TMEM94: variants seen among roughly 807,000 people sequenced by gnomAD.
TMEM94 encodes the protein ER Mg2+ ATPase.
In TMEM94, 81 loss-of-function variants were observed where a neutral mutation model predicts 158.6. That is an observed-to-expected ratio of 0.51 (90% CI 0.43 to 0.61). The LOEUF is 0.61. TMEM94 is among the 20% of genes least tolerant of loss of function. TMEM94 has a pLI of 0.00. For synonymous variants in TMEM94, 751 were observed against 730.7 expected, an observed-to-expected ratio of 1.03 and a Z score of -0.45; for missense variants, 1,435 against 1,762.0, an observed-to-expected ratio of 0.81 and a Z score of 3.32.
At position 75,492,999 on chromosome 17, in the gene TMEM94, C is replaced by T. The variant is rs528840674; in HGVS notation, c.1983C>T (p.Ala661=). The T allele has an allele frequency of 2.8e-5, 45 of 1,613,722 alleles. No individual in the cohort carries two copies. Among genetic ancestry groups the T allele is most frequent in the Non-Finnish European group, 3.6e-5 (42 of 1,180,038 alleles). The change falls in exon 16 of 32, where the codon GCC becomes GCT. Residue 661 remains alanine (A), a synonymous_variant. Coordinates refer to ENST00000314256, the MANE Select transcript of TMEM94 (RefSeq NM_014738.6). The surrounding 1 kb of genome is among the most constrained non-coding windows in gnomAD (Gnocchi z 4.4). ...TGGCGCTGTACCGCCTCCCCAGTGCCGAGACAATGAAGGAGACATCGCTGG... is the reference window on the plus strand; with the variant it reads ...TGGCGCTGTACCGCCTCCCCAGTGCTGAGACAATGAAGGAGACATCGCTGG... ...NHLALYRLPS[A]ETMKETSLGR...
chr17:75,497,005 C>T, intron 25 of TMEM94, 108 bp from the exon 26 acceptor site: 1 of 1,096,886 alleles, frequency 9.1e-7, no homozygotes, highest in Non-Finnish European at 1.4e-6. Flanking sequence ...TTCCCTCTGG[C>T]AGGATGTGAG....
At chr17:75,472,321 A>G (rs2050531402) in intron 2 of TMEM94, among the ~76,000 whole-genome samples, 1 of 152,190 alleles carries the variant, frequency 6.6e-6, no homozygotes, top group Non-Finnish European at 1.5e-5. Flanking sequence ...GAGCGCCCCA[A>G]TCAGACTTCA....
At chr17:75,474,342 C>T (rs537937406) in intron 2 of TMEM94, among the ~76,000 whole-genome samples, 2 of 152,066 alleles carry the variant, frequency 1.3e-5, no homozygotes, top group East Asian at 1.9e-4. Context: ...CCTGTCTCTA[C>T]TAAAAATATA....
At chr17:75,462,011 G>GTTTTTTTT (rs1156728166) in intron 1 of TMEM94, among the ~76,000 whole-genome samples, 8 of 92,872 alleles carry the variant, frequency 8.6e-5, no homozygotes, top group African/African-American at 4.0e-4. Flanking sequence ...GTTTTGTTTT[G>GTTTTTTTT]TTTTTTTTTT....
Position 75,492,709 on chromosome 17 carries a change from A to G in TMEM94, c.1832A>G (p.Asn611Ser), listed in dbSNP as rs1373503472. ...TGCCGATTCTCCGACCACCTGTGCA[A>G]CATCGCCCTGCAAGAGAGCCACAGC... ...RLCRFSDHLC[N>S]IALQESHSAV... The change falls in exon 15 of 32, where the codon AAC becomes AGC. Residue 611 changes from asparagine (N) to serine (S), a missense_variant. Asn to Ser is a conservative substitution (Grantham distance 46). Around this residue, in one of 3 missense-constraint regions of TMEM94, gnomAD observed 1,051 missense variants for 1,254.4 expected, o/e 0.84. Coordinates refer to ENST00000314256, the MANE Select transcript of TMEM94 (RefSeq NM_014738.6). The surrounding 1 kb of genome is among the most constrained non-coding windows in gnomAD (Gnocchi z 4.4). 3.1e-6 allele frequency: 5 copies of G among 1,612,944 alleles called. No individual in the cohort carries two copies. The highest frequency in any genetic ancestry group is 2.2e-5 in the East Asian group (1 of 44,878).
rs1423024401 is a variant in TMEM94 at position 75,495,848 on chromosome 17, G to A, written c.2945-118G>A. 3 of 842,270 alleles carry A rather than the reference G, an allele frequency of 3.6e-6. No homozygotes were observed. Among genetic ancestry groups the A allele is most frequent in the African/African-American group, 3.4e-5 (2 of 59,114 alleles). 52.2% of individuals were successfully genotyped at this position (842,270 alleles called of 1,614,324 possible). A position where few individuals can be genotyped will look rare whatever the true frequency, so the allele number is the denominator to read the frequency against. ...TGATCCCGCTGCCGGGGGTGGGATT[G>A]TTTCAAAGAGGGGCCCACCTCCCAT... On this transcript the variant is annotated intron_variant, in intron 22 of 31. Coordinates refer to ENST00000314256, the MANE Select transcript of TMEM94 (RefSeq NM_014738.6). This position sits in a 1 kb window ranked among gnomAD's most constrained non-coding sequence, Gnocchi z 5.6.
In TMEM94 at chr17:75,486,434, C is replaced by CAAG. The variant is rs767803717; in HGVS notation, c.409+9_409+11dup. On this transcript the variant is annotated intron_variant, in intron 5 of 31. Transcript: ENST00000314256. The stretch of plus-strand genomic sequence containing the variant: ...TCATTGACCAAATCCAAGGTGAGGT[C>CAAG]AAGGGCAGGCATATTGGTGGGAAAA... 1 of 1,614,112 alleles carries CAAG rather than the reference C, an allele frequency of 6.2e-7. No individual in the cohort carries two copies. The highest frequency in any genetic ancestry group is 1.1e-5 in the South Asian group (1 of 91,038).
In TMEM94 at chr17:75,499,594, G is replaced by GGC. The variant is rs2146962475; in HGVS notation, c.*263_*264dup. On this transcript the variant is annotated 3_prime_UTR_variant, in exon 32 of 32. Coordinates refer to ENST00000314256, the MANE Select transcript of TMEM94 (RefSeq NM_014738.6). ...GGACACTCTTGAATGTATGGCCTCA[G>GGC]GCGCTCCCTAGAGGGGCCCTAAACC... 1.9e-6 allele frequency: 1 copy of GGC among 540,312 alleles called. No individual in the cohort carries two copies. Among genetic ancestry groups the GGC allele is most frequent in the South Asian group, 2.2e-5 (1 of 44,944 alleles). The allele number at this position is 540,312 out of a possible 1,614,324, so 33.5% of individuals were successfully genotyped here. A position where few individuals can be genotyped will look rare whatever the true frequency, so the allele number is the denominator to read the frequency against.
At chr17:75,494,875 A>G (rs2052537485) in intron 19 of TMEM94, 21 bp from the exon 20 acceptor site, 1 of 1,613,308 alleles carries the variant, frequency 6.2e-7, no homozygotes, top group Non-Finnish European at 8.5e-7. Flanking sequence ...CCGTATGTTC[A>G]TGGCCGTCTG....
chr17:75,468,007 C>A (rs2050369434), intron 1 of TMEM94, among the ~76,000 whole-genome samples: 2 of 152,162 alleles, frequency 1.3e-5, no homozygotes, highest in African/African-American at 4.8e-5. Flanking sequence ...TCTATAGCTC[C>A]TCTGTGAAAT....
chr17:75,490,159 C>T (rs1314804027), intron 9 of TMEM94, 75 bp from the exon 10 acceptor site: 2 of 1,570,030 alleles, frequency 1.3e-6, no homozygotes, highest in Non-Finnish European at 1.7e-6. Flanking sequence ...GGCCGTGGGG[C>T]CAGGGCAGCC....
intron 1 of TMEM94, among the ~76,000 whole-genome samples, chr17:75,461,500 A>G (rs939654137): frequency 6.6e-6 from 1 of 152,176 alleles, no homozygotes; most frequent in Non-Finnish European, 1.5e-5. Flanking sequence ...AAAAGTATAA[A>G]AAAGAATTTT....
intron 4 of TMEM94, 37 bp downstream of exon 4, chr17:75,486,035 T>C (rs1394985435): frequency 6.4e-7 from 1 of 1,573,234 alleles, no homozygotes; most frequent in Admixed American, 1.8e-5. Flanking sequence ...CCTCTCCAGC[T>C]GTGCTGTCCA....
intron 1 of TMEM94, among the ~76,000 whole-genome samples, chr17:75,465,099 A>G (rs1312726916): frequency 1.3e-5 from 2 of 152,004 alleles, no homozygotes; most frequent in East Asian, 1.9e-4. Flanking sequence ...TCCTGGTCTC[A>G]AGATCCTCCT....
intron 4 of TMEM94, 44 bp downstream of exon 4, chr17:75,486,042 T>C (rs759665821): frequency 6.4e-7 from 1 of 1,565,240 alleles, no homozygotes; most frequent in Non-Finnish European, 8.6e-7. Flanking sequence ...AGCTGTGCTG[T>C]CCATCCTGCC....
Position 75,485,854 on chromosome 17 carries a change from C to A in TMEM94, c.145-17C>A. On this transcript the variant is annotated splice_polypyrimidine_tract_variant and intron_variant, in intron 3 of 31. Transcript: ENST00000314256. The surrounding 1 kb of genome is among the most constrained non-coding windows in gnomAD (Gnocchi z 5.5). ...GGACAGGCCTCTCATTGTCCCCTCC[C>A]TGTCCGAACTTCCCAGGAGGTGTGG... 3 of 1,602,902 alleles carry A rather than the reference C, an allele frequency of 1.9e-6. No individual in the cohort carries two copies. Among genetic ancestry groups the A allele is most frequent in the Non-Finnish European group, 2.6e-6 (3 of 1,173,550 alleles).
At chr17:75,488,729 C>T (rs770922993) in intron 6 of TMEM94, 30 bp from the exon 7 acceptor site, 8 of 1,611,012 alleles carry the variant, frequency 5.0e-6, no homozygotes, top group South Asian at 2.2e-5. Flanking sequence ...AGGACCCTCT[C>T]GTTCCCACTC....
chr17:75,467,767 C>T (rs531297862), intron 1 of TMEM94, among the ~76,000 whole-genome samples: 342 of 151,386 alleles, frequency 2.3e-3, no homozygotes, highest in African/African-American at 7.7e-3. Context: ...CTCCTGACCT[C>T]GTGATCCACC....
chr17:75,495,323 A>G lies in TMEM94; in HGVS notation c.2768A>G (p.Glu923Gly), dbSNP rs752156998. 1.2e-6 allele frequency: 2 copies of G among 1,613,438 alleles called. No individual in the cohort carries two copies. The highest frequency in any genetic ancestry group is 1.7e-6 in the Non-Finnish European group (2 of 1,179,846). Residue 923 changes from glutamate to glycine, a missense_variant, in exon 21 of 32, where the codon GAG becomes GGG. By Grantham distance (98) the Glu-to-Gly change is moderately conservative. Around this residue, in one of 3 missense-constraint regions of TMEM94, gnomAD observed 1,051 missense variants for 1,254.4 expected, o/e 0.84. Transcript: ENST00000314256. The surrounding 1 kb of genome is among the most constrained non-coding windows in gnomAD (Gnocchi z 5.6). ...GCAGAAGGGCTCCTCCTCATGGAGG[A>G]GGAGGGCCACTCGGACCTCATCAGC... is the stretch of plus-strand genomic sequence containing the variant. ...DDAEGLLLME[E>G]EGHSDLISFQ...
Sources: allele counts gnomAD v4.1 joint callset (sites outside exome capture counted in the v4.1 genomes callset), GRCh38; gene constraint gnomAD v4.1.1; regional missense constraint gnomAD v4.1.1; non-coding constraint Gnocchi (gnomAD v3.1); transcripts MANE v1.5; gene names NCBI Gene and HGNC (gene_info 2026-07-23, HGNC 2026-07-21).